The following PRMT3 variants were observed in gnomAD, a reference collection of about 807,000 sequenced individuals.
PRMT3 encodes protein arginine methyltransferase 3, also known as protein arginine N-methyltransferase 3.
PRMT3 carries 62 observed loss-of-function variants against 71.9 expected under a neutral mutation model. The observed-to-expected ratio is 0.86, with a 90% CI of 0.70 to 1.07. The LOEUF (loss-of-function observed/expected upper bound fraction) is 1.07, where lower values mean the gene tolerates loss of function less well. Among genes scored for constraint, PRMT3 ranks in the 50% least tolerant of loss-of-function variants. PRMT3 has a pLI of 0.00. For synonymous variants in PRMT3, 213 were observed against 220.4 expected, an observed-to-expected ratio of 0.97 and a Z score of 0.30; for missense variants, 663 against 643.0, an observed-to-expected ratio of 1.03 and a Z score of -0.34.
intron 13 of PRMT3, among the ~76,000 whole-genome samples, chr11:20,481,722 A>G (rs1850941967): frequency 6.6e-6 from 1 of 152,050 alleles, no homozygotes; most frequent in Admixed American, 6.6e-5. Context: ...TAGTTCTAAT[A>G]TTTTCCATAT....
chr11:20,409,237 T>A lies in PRMT3; in HGVS notation c.893+1205T>A, dbSNP rs191287359. On this transcript the variant is annotated intron_variant, in intron 9 of 15. Transcript: ENST00000331079. ...ATAGTGTTGTGGTTAGAAGAACAAG[T>A]TTGAATCAAGCTTGGGATGTAGTCT... Among the ~76,000 whole-genome samples the A allele has an allele frequency of 6.6e-5, 10 of 152,290 alleles. No homozygotes were observed. In the East Asian group the frequency reaches 1.9e-3, roughly 29 times the overall value.
chr11:20,389,767 C>T lies in PRMT3; in HGVS notation c.188C>T (p.Thr63Ile). Residue 63 changes from threonine to isoleucine, a missense_variant, in exon 3 of 16, where the codon ACA becomes ATA. Coordinates refer to ENST00000331079, the MANE Select transcript of PRMT3 (RefSeq NM_005788.4). Reference sequence around the variant, plus strand: ...AGGTTATTCACATCTGCTGAAGAAACATTTTCACACTGTAAGTCTGAGCAT... The same window carrying T: ...AGGTTATTCACATCTGCTGAAGAAATATTTTCACACTGTAAGTCTGAGCAT... ...CNRLFTSAEE[T>I]FSHCKSEHQF... The T allele has an allele frequency of 3.1e-6, 5 of 1,611,608 alleles. No homozygotes were observed. The highest frequency in any genetic ancestry group is 4.2e-6 in the Non-Finnish European group (5 of 1,178,120).
intron 15 of PRMT3, among the ~76,000 whole-genome samples, chr11:20,506,394 G>C (rs7478977): frequency 0.97 from 148,122 of 152,262 alleles, 72,364 homozygotes; most frequent in Middle Eastern, 1. Flanking sequence ...ACATATATAC[G>C]TACACAAAAA....
chr11:20,389,706 A>G (rs1359904258), intron 2 of PRMT3, 38 bp from the exon 3 acceptor site: 1 of 1,407,544 alleles, frequency 7.1e-7, no homozygotes, highest in Admixed American at 1.7e-5. Flanking sequence ...TAGACTTCTT[A>G]GGGGACTATT....
At chr11:20,445,642 A>G (rs902395177) in intron 10 of PRMT3, among the ~76,000 whole-genome samples, 1 of 152,134 alleles carries the variant, frequency 6.6e-6, no homozygotes, top group African/African-American at 2.4e-5. Flanking sequence ...GTGAAAATAT[A>G]GAAAGAAGAC....
intron 13 of PRMT3, 144 bp from the exon 14 acceptor site, chr11:20,493,775 T>A: frequency 1.6e-6 from 1 of 615,420 alleles, no homozygotes; most frequent in African/African-American, 1.9e-5. Flanking sequence ...ACTTACAACA[T>A]CTTTTCCAGG....
chr11:20,439,392 G>A (rs1454870499), intron 10 of PRMT3, among the ~76,000 whole-genome samples: 4 of 152,120 alleles, frequency 2.6e-5, no homozygotes, highest in Non-Finnish European at 5.9e-5. Flanking sequence ...TTCTCAATGT[G>A]GCCATCCTGA....
At chr11:20,476,165 C>T (rs1005909085) in intron 13 of PRMT3, among the ~76,000 whole-genome samples, 3 of 151,576 alleles carry the variant, frequency 2.0e-5, no homozygotes, top group East Asian at 2.0e-4. Flanking sequence ...GCCTGGCCAA[C>T]GTGGTGAAAC....
chr11:20,408,408 C>T (rs958685925), intron 9 of PRMT3, among the ~76,000 whole-genome samples: 1 of 151,984 alleles, frequency 6.6e-6, no homozygotes, highest in East Asian at 1.9e-4. Flanking sequence ...TTAGCAAATA[C>T]CAGTTATACT....
chr11:20,395,928 T>C lies in PRMT3; in HGVS notation c.526T>C (p.Leu176=), dbSNP rs752857100. ...CAGGGCACTGTCTGCTGAAGCCGCA[T>C]TGGCCAGAGCACGTGAGGATCTGCA... ...EARALSAEAA[L]ARAREDLQKM... The change falls in exon 6 of 16, where the codon TTG becomes CTG. Residue 176 remains leucine, a synonymous_variant. Transcript: ENST00000331079. The C allele has an allele frequency of 3.1e-6, 5 of 1,614,102 alleles. No homozygotes were observed. The highest frequency in any genetic ancestry group is 2.2e-5 in the East Asian group (1 of 44,880).
At chr11:20,483,022 A>T (rs1361180563) in intron 13 of PRMT3, among the ~76,000 whole-genome samples, 6 of 152,040 alleles carry the variant, frequency 3.9e-5, no homozygotes, top group Admixed American at 3.9e-4. Context: ...AAAGAGCAAA[A>T]AAAAACTATT....
chr11:20,423,047 C>G (rs1849461796), intron 9 of PRMT3, among the ~76,000 whole-genome samples: 1 of 152,142 alleles, frequency 6.6e-6, no homozygotes, highest in South Asian at 2.1e-4. Context: ...GTCTGGACTT[C>G]CTGATTCCCT....
At chr11:20,433,037 T>A (rs1849687379) in intron 10 of PRMT3, among the ~76,000 whole-genome samples, 1 of 152,176 alleles carries the variant, frequency 6.6e-6, no homozygotes, top group African/African-American at 2.4e-5. Context: ...GAAACTTTAT[T>A]TACTTTTTTA....
At chr11:20,467,759 A>G (rs927746176) in intron 13 of PRMT3, among the ~76,000 whole-genome samples, 54 of 152,220 alleles carry the variant, frequency 3.5e-4, no homozygotes, top group African/African-American at 1.1e-3. Context: ...TTGGTTAAGC[A>G]TCTACATTTC....
At chr11:20,389,664 AAAAAG>A in intron 2 of PRMT3, 75 bp from the exon 3 acceptor site, 1 of 907,658 alleles carries the variant, frequency 1.1e-6, no homozygotes, top group Non-Finnish European at 1.7e-6. Flanking sequence ...AAAAAAAAAA[AAAAAG>A]TGTATATGTA....
At chr11:20,508,229 C>A in intron 15 of PRMT3, 75 bp from the exon 16 acceptor site, 1 of 669,010 alleles carries the variant, frequency 1.5e-6, no homozygotes, top group Non-Finnish European at 2.6e-6. Context: ...AAAAGAAGTG[C>A]TAGTTATACA....
chr11:20,483,544 CAG>C (rs1377409057), intron 13 of PRMT3, among the ~76,000 whole-genome samples: 1 of 93,346 alleles, frequency 1.1e-5, no homozygotes, highest in East Asian at 2.6e-4. Context: ...TTTTAAATGG[CAG>C]AGATTGCCAA....
At chr11:20,505,687 T>C (rs1051510718) in intron 15 of PRMT3, among the ~76,000 whole-genome samples, 2 of 152,124 alleles carry the variant, frequency 1.3e-5, no homozygotes, top group African/African-American at 4.8e-5. Flanking sequence ...ATAGCCAAAA[T>C]AGAAAAGTCA....
At chr11:20,440,368 G>A (rs776241333) in intron 10 of PRMT3, among the ~76,000 whole-genome samples, 43 of 152,078 alleles carry the variant, frequency 2.8e-4, no homozygotes, top group African/African-American at 9.4e-4. Context: ...AAAAGAGGCC[G>A]GGTGTGGTGG....
Sources: gnomAD v4.1 joint callset for allele counts (sites outside exome capture counted in the v4.1 genomes callset) on GRCh38, gnomAD v4.1.1 for gene constraint, MANE v1.5 for transcripts, NCBI Gene and HGNC (gene_info 2026-07-23, HGNC 2026-07-21) for gene names.